PTPRM: variants seen among roughly 807,000 people sequenced by gnomAD.
PTPRM encodes the protein protein tyrosine phosphatase receptor type M.
A neutral mutation model predicts 186.7 loss-of-function variants in PTPRM; 47 were observed. That is an observed-to-expected ratio of 0.25 (90% CI 0.20 to 0.32). The LOEUF is 0.32. Among genes scored for constraint, PTPRM ranks in the 10% least tolerant of loss-of-function variants. The pLI is 1.00. For synonymous variants in PTPRM, 668 were observed against 674.9 expected, an observed-to-expected ratio of 0.99 and a Z score of 0.16; for missense variants, 1,494 against 1,865.0, an observed-to-expected ratio of 0.80 and a Z score of 3.66.
At chr18:7,639,202 G>C (rs2038387566) in intron 1 of PTPRM, among the ~76,000 whole-genome samples, 1 of 152,062 alleles carries the variant, frequency 6.6e-6, no homozygotes, top group South Asian at 2.1e-4. Context: ...AGCCTCCCGA[G>C]TACCTGGGGC....
At chr18:7,681,633 A>G (rs1460256723) in intron 1 of PTPRM, among the ~76,000 whole-genome samples, 1 of 152,130 alleles carries the variant, frequency 6.6e-6, no homozygotes, top group African/African-American at 2.4e-5. Context: ...ATGGTTCCCA[A>G]ATGCACTGCT....
chr18:7,865,413 G>A (rs937158571), intron 2 of PTPRM, among the ~76,000 whole-genome samples: 6 of 152,188 alleles, frequency 3.9e-5, no homozygotes, highest in African/African-American at 7.2e-5. Context: ...GAATTTTGTC[G>A]AAGGCCTTTA....
intron 7 of PTPRM, among the ~76,000 whole-genome samples, chr18:8,011,425 A>G (rs2147868153): frequency 6.6e-6 from 1 of 152,186 alleles, no homozygotes; most frequent in Non-Finnish European, 1.5e-5. Context: ...CCTCTGTGCC[A>G]GTCACAGAGG....
chr18:8,342,416 T>C (rs2095480083), intron 22 of PTPRM, among the ~76,000 whole-genome samples: 1 of 152,222 alleles, frequency 6.6e-6, no homozygotes, highest in Non-Finnish European at 1.5e-5. Flanking sequence ...AACTTGCCCC[T>C]AATCACACAG....
intron 7 of PTPRM, among the ~76,000 whole-genome samples, chr18:7,974,166 T>C (rs745950963): frequency 1.3e-5 from 2 of 152,134 alleles, no homozygotes; most frequent in South Asian, 2.1e-4. Flanking sequence ...GAAAGCCGAG[T>C]AGGCACAACT....
At chr18:7,603,600 G>A (rs908399463) in intron 1 of PTPRM, among the ~76,000 whole-genome samples, 2 of 152,230 alleles carry the variant, frequency 1.3e-5, no homozygotes, top group African/African-American at 4.8e-5. Context: ...CTGCTTTGCT[G>A]TCAGGAGTAT....
intron 2 of PTPRM, among the ~76,000 whole-genome samples, chr18:7,793,774 G>A (rs1294097126): frequency 6.6e-6 from 1 of 152,100 alleles, no homozygotes; most frequent in Non-Finnish European, 1.5e-5. Flanking sequence ...GTGCCCAAAT[G>A]TTGCATTTCC....
chr18:8,090,220 C>CT (rs900202862), intron 11 of PTPRM, among the ~76,000 whole-genome samples: 1 of 152,072 alleles, frequency 6.6e-6, no homozygotes, highest in African/African-American at 2.4e-5. Flanking sequence ...ATGGCTCAGT[C>CT]TTTTTTGACT....
chr18:7,876,132 G>A (rs1009842216), intron 2 of PTPRM, among the ~76,000 whole-genome samples: 12 of 151,976 alleles, frequency 7.9e-5, no homozygotes, highest in South Asian at 2.1e-4. Flanking sequence ...GTGTGTGTGT[G>A]TGTGTGCATG....
chr18:7,666,485 C>T (rs748383166), intron 1 of PTPRM, among the ~76,000 whole-genome samples: 7 of 152,180 alleles, frequency 4.6e-5, no homozygotes, highest in Non-Finnish European at 7.4e-5. Context: ...GCTAACTGTT[C>T]TCTTTGAGTT....
intron 7 of PTPRM, among the ~76,000 whole-genome samples, chr18:8,047,116 T>C (rs1185043845): frequency 6.6e-6 from 1 of 152,222 alleles, no homozygotes; most frequent in Non-Finnish European, 1.5e-5. Flanking sequence ...TTAGAATTAA[T>C]AGCTGTAGAT....
chr18:7,720,353 G>A (rs186273596), intron 1 of PTPRM, among the ~76,000 whole-genome samples: 45 of 152,074 alleles, frequency 3.0e-4, no homozygotes, highest in Admixed American at 1.6e-3. Context: ...GCTGGCATAC[G>A]AATTGGTCAT....
chr18:7,874,585 C>T (rs1330647631), intron 2 of PTPRM, among the ~76,000 whole-genome samples: 1 of 151,592 alleles, frequency 6.6e-6, no homozygotes. Context: ...CTCTTTAGAC[C>T]TCTATGAAAA....
intron 30 of PTPRM, among the ~76,000 whole-genome samples, 196 bp downstream of exon 30, chr18:8,384,882 A>T (rs1281595921): frequency 2.0e-5 from 3 of 152,254 alleles, no homozygotes; most frequent in Admixed American, 1.3e-4. Context: ...AATGATACTT[A>T]TTAAAGCACG....
intron 1 of PTPRM, among the ~76,000 whole-genome samples, chr18:7,608,949 G>T (rs2037604554): frequency 6.6e-6 from 1 of 152,172 alleles, no homozygotes. Context: ...CTCTTAAAGT[G>T]CAGGCTAGTC....
intron 14 of PTPRM, among the ~76,000 whole-genome samples, chr18:8,237,723 G>A (rs1458433746): frequency 6.6e-6 from 1 of 152,044 alleles, no homozygotes; most frequent in Non-Finnish European, 1.5e-5. Flanking sequence ...TGGGATTACA[G>A]GTGTGAGCCA....
At chr18:8,092,771 C>A (rs954355294) in intron 11 of PTPRM, among the ~76,000 whole-genome samples, 7 of 151,994 alleles carry the variant, frequency 4.6e-5, no homozygotes, top group Non-Finnish European at 1.0e-4. Context: ...TTGAGACCAC[C>A]CTGGGCAATG....
At chr18:8,332,781 G>T (rs1351749937) in intron 22 of PTPRM, among the ~76,000 whole-genome samples, 1 of 152,180 alleles carries the variant, frequency 6.6e-6, no homozygotes, top group Non-Finnish European at 1.5e-5. Context: ...ATGTGTCATT[G>T]TGTGGCATCA....
chr18:7,974,535 A>G (rs1407096371), intron 7 of PTPRM, among the ~76,000 whole-genome samples: 2 of 152,200 alleles, frequency 1.3e-5, no homozygotes, highest in Non-Finnish European at 2.9e-5. Flanking sequence ...TAGGCTAACA[A>G]TGAGGAAATT....
Sources: gnomAD v4.1 joint callset for allele counts (sites outside exome capture counted in the v4.1 genomes callset) on GRCh38, gnomAD v4.1.1 for gene constraint, MANE v1.5 for transcripts, NCBI Gene and HGNC (gene_info 2026-07-23, HGNC 2026-07-21) for gene names.